UXS1: variants seen among roughly 807,000 people sequenced by gnomAD.
UXS1 encodes UDP-glucuronate decarboxylase 1, also known as UDP-glucuronic acid decarboxylase 1.
In UXS1, 33 loss-of-function variants were observed where a neutral mutation model predicts 62.6. The ratio of observed to expected loss-of-function variants is 0.53; its 90% CI spans 0.40 to 0.70. The LOEUF (loss-of-function observed/expected upper bound fraction) is 0.70, where lower values mean the gene tolerates loss of function less well. UXS1 is among the 30% of genes least tolerant of loss of function. UXS1 has a pLI of 0.00. For synonymous variants in UXS1, 213 were observed against 206.8 expected (o/e 1.03, Z -0.26); for missense variants, 434 against 556.3 (o/e 0.78, Z 2.21).
At chr2:106,172,012 C>T (rs1553436927) in intron 1 of UXS1, among the ~76,000 whole-genome samples, 2 of 152,232 alleles carry the variant, frequency 1.3e-5, no homozygotes, top group East Asian at 1.9e-4. Flanking sequence ...GCCTTCTTTC[C>T]AATGTTTCCT....
At chr2:106,096,133 G>T (rs1677064142) in intron 14 of UXS1, among the ~76,000 whole-genome samples, 1 of 152,180 alleles carries the variant, frequency 6.6e-6, no homozygotes, top group Non-Finnish European at 1.5e-5. Flanking sequence ...GGCTACGCAG[G>T]GCTCTGAGCG....
chr2:106,140,821 C>T (rs1195856243), intron 6 of UXS1, among the ~76,000 whole-genome samples: 1 of 152,198 alleles, frequency 6.6e-6, no homozygotes, highest in African/African-American at 2.4e-5. Flanking sequence ...TACAAGTTCC[C>T]GGTACTGGTC....
chr2:106,107,982 C>T (rs1171592342), intron 10 of UXS1, among the ~76,000 whole-genome samples: 4 of 152,214 alleles, frequency 2.6e-5, no homozygotes, highest in East Asian at 1.9e-4. Flanking sequence ...AGTGGAAAGG[C>T]GTGGATCCCG....
intron 10 of UXS1, among the ~76,000 whole-genome samples, chr2:106,107,862 C>T (rs1022111880): frequency 6.6e-5 from 10 of 152,194 alleles, no homozygotes; most frequent in African/African-American, 2.2e-4. Flanking sequence ...CCTTCAGGTA[C>T]GGTGACAAAA....
intron 1 of UXS1, among the ~76,000 whole-genome samples, chr2:106,166,830 C>T (rs373917736): frequency 2.6e-5 from 4 of 151,778 alleles, no homozygotes; most frequent in African/African-American, 7.3e-5. Flanking sequence ...GCTAAGGATG[C>T]ATGTGTTTTG....
chr2:106,177,189 T>C (rs961938113), intron 1 of UXS1, among the ~76,000 whole-genome samples: 2 of 30,002 alleles, frequency 6.7e-5, no homozygotes, highest in African/African-American at 1.2e-4. Flanking sequence ...TGCATTTTTT[T>C]TTTCTTTTTT....
intron 9 of UXS1, among the ~76,000 whole-genome samples, chr2:106,119,450 G>A (rs765157399): frequency 4.6e-5 from 7 of 152,122 alleles, no homozygotes; most frequent in Admixed American, 1.3e-4. Flanking sequence ...AGGGGGCTGC[G>A]GGGAATTAAC....
chr2:106,139,265 C>T (rs1314100711), intron 6 of UXS1, among the ~76,000 whole-genome samples: 1 of 152,108 alleles, frequency 6.6e-6, no homozygotes, highest in African/African-American at 2.4e-5. Flanking sequence ...TACAAGGCCA[C>T]GTGCTGGGAG....
chr2:106,189,208 C>T (rs1684768101), intron 1 of UXS1, among the ~76,000 whole-genome samples: 1 of 149,414 alleles, frequency 6.7e-6, no homozygotes, highest in South Asian at 2.2e-4. Context: ...TCTGGATTGC[C>T]AGGGCACAAA....
chr2:106,131,045 G>A (rs1410790203), intron 6 of UXS1, among the ~76,000 whole-genome samples: 1 of 150,864 alleles, frequency 6.6e-6, no homozygotes, highest in Non-Finnish European at 1.5e-5. Flanking sequence ...GCCAGTGTGT[G>A]CGCGCACCGT....
rs1677349264 is a variant in UXS1 at position 106,098,875 on chromosome 2, G to GA, written c.985-103dup. 3 of 1,014,906 alleles carry GA rather than the reference G, an allele frequency of 3.0e-6. No individual in the cohort carries two copies. In the East Asian group the frequency reaches 7.7e-5, roughly 26 times the overall value. The allele number at this position is 1,014,906 out of a possible 1,614,324, so 62.9% of individuals were successfully genotyped here. ...GCAGAGACGTCTACTGGCCGAGTCT[G>GA]ACCTCCCTGCGCTGCTTCAGCAGAG... On this transcript the variant is annotated intron_variant, in intron 12 of 14. Transcript: ENST00000283148.
At chr2:106,143,614 C>T (rs796323121) in intron 6 of UXS1, among the ~76,000 whole-genome samples, 36 of 152,114 alleles carry the variant, frequency 2.4e-4, no homozygotes, top group African/African-American at 7.5e-4. Flanking sequence ...CTCAGCTCTG[C>T]CTGCCCCCAG....
intron 12 of UXS1, 138 bp from the exon 13 acceptor site, chr2:106,098,911 C>G (rs542195513): frequency 3.0e-4 from 215 of 719,368 alleles, no homozygotes; most frequent in South Asian, 9.9e-4. Flanking sequence ...CTCCGTGTGC[C>G]AGAGGGTACT....
chr2:106,100,973 G>T, intron 12 of UXS1, 85 bp downstream of exon 12: 1 of 1,536,270 alleles, frequency 6.5e-7, no homozygotes, highest in Non-Finnish European at 9.0e-7. Flanking sequence ...GATGGCAAAT[G>T]AAGCAAAGCC....
intron 1 of UXS1, among the ~76,000 whole-genome samples, chr2:106,183,057 C>T (rs1355240392): frequency 1.3e-5 from 2 of 152,104 alleles, no homozygotes; most frequent in Non-Finnish European, 2.9e-5. Context: ...ATGAGTTTTG[C>T]TGAGAAGCCC....
intron 1 of UXS1, 100 bp from the exon 2 acceptor site, chr2:106,166,183 C>G: frequency 5.8e-6 from 7 of 1,206,576 alleles, no homozygotes; most frequent in Non-Finnish European, 1.2e-6. Context: ...TTAAATTTTA[C>G]AAAGAAAATT....
chr2:106,124,107 T>G (rs1252577849), intron 8 of UXS1, among the ~76,000 whole-genome samples: 3 of 152,204 alleles, frequency 2.0e-5, no homozygotes, highest in Non-Finnish European at 4.4e-5. Flanking sequence ...AGCAAACTTC[T>G]CACTACTCAG....
chr2:106,144,626 C>T (rs568992184), intron 6 of UXS1, among the ~76,000 whole-genome samples: 2 of 152,288 alleles, frequency 1.3e-5, no homozygotes, highest in Non-Finnish European at 2.9e-5. Flanking sequence ...AAGAAATGTA[C>T]ATTGAACCAA....
intron 1 of UXS1, among the ~76,000 whole-genome samples, chr2:106,172,895 C>T (rs1401258368): frequency 7.9e-5 from 12 of 152,326 alleles, no homozygotes; most frequent in African/African-American, 2.6e-4. Context: ...TGCACTTACA[C>T]TTCTCCCAAC....
Sources: gnomAD v4.1 joint callset for allele counts (sites outside exome capture counted in the v4.1 genomes callset) on GRCh38, gnomAD v4.1.1 for gene constraint, MANE v1.5 for transcripts, NCBI Gene and HGNC (gene_info 2026-07-23, HGNC 2026-07-21) for gene names.